CDR2: variants seen among roughly 807,000 people sequenced by gnomAD.
CDR2 encodes cerebellar degeneration-related protein 2.
CDR2 carries 34 observed loss-of-function variants against 48.4 expected under a neutral mutation model. The ratio of observed to expected loss-of-function variants is 0.70; its 90% confidence interval spans 0.53 to 0.94. The LOEUF (loss-of-function observed/expected upper bound fraction) is 0.94. CDR2 is among the 40% of genes least tolerant of loss of function. CDR2 has a pLI of 0.00. For missense variants in CDR2, 498 were observed against 549.5 expected, an observed-to-expected ratio of 0.91 and a Z score of 0.94; for synonymous variants, 240 against 219.7, an observed-to-expected ratio of 1.09 and a Z score of -0.82.
Position 22,347,318 on chromosome 16 carries a change from C to G in CDR2, c.1012G>C (p.Val338Leu). ...AGAAGGGAGATGCCCCTCTGTTTCACAGCCTTGGCCCTCCTGATGCAGGTC... is the reference window on the plus strand; with the variant it reads ...AGAAGGGAGATGCCCCTCTGTTTCAGAGCCTTGGCCCTCCTGATGCAGGTC... ...EETCIRRAKA[V>L]KQRGISLLHE... Residue 338 changes from valine (V) to leucine (L), a missense_variant, in exon 5 of 5, where the codon GTG (valine) becomes CTG (leucine). By Grantham distance (32) the Val-to-Leu change is conservative. Transcript: ENST00000268383. The G allele has an allele frequency of 1.2e-6, 2 of 1,614,260 alleles. No individual in the cohort carries two copies. Among genetic ancestry groups the G allele is most frequent in the Non-Finnish European group, 1.7e-6 (2 of 1,180,044 alleles).
Position 22,347,610 on chromosome 16 carries a change from T to C in CDR2, c.720A>G (p.Thr240=). 2 of 1,614,200 alleles carry C rather than the reference T, an allele frequency of 1.2e-6. No homozygotes were observed. The highest frequency in any genetic ancestry group is 1.1e-5 in the South Asian group (1 of 91,092). Residue 240 remains threonine, a synonymous_variant, in exon 5 of 5, where the codon ACA becomes ACG. Coordinates refer to ENST00000268383, the MANE Select transcript of CDR2 (RefSeq NM_001802.2). ...CCAGCGCCCGTGCTCGGTAGGCACC[T>C]GTGGCCCCCAGCTGCTGCTCCAGTT... The part of the protein sequence containing the change: ...NSELEQQLGA[T]GAYRARALEL...
At chr16:22,360,255 C>G (rs2049002173) in intron 2 of CDR2, among the ~76,000 whole-genome samples, 1 of 152,132 alleles carries the variant, frequency 6.6e-6, no homozygotes, top group Non-Finnish European at 1.5e-5. Context: ...AAAACTTGCT[C>G]TGGATTCTTA....
rs563641354 is a variant in CDR2, at chr16:22,347,126, C to T, written c.1204G>A (p.Gly402Ser). The T allele has an allele frequency of 9.9e-6, 16 of 1,614,230 alleles. No homozygotes were observed. Among genetic ancestry groups the T allele is most frequent in the African/African-American group, 5.3e-5 (4 of 75,066 alleles). ...VNAQSEPVAS[G>S]WELASVNPEP... is the part of the protein sequence containing the mutation. ...GGGTTGACAGAGGCCAGTTCCCAGC[C>T]GCTGGCAACAGGCTCAGACTGGGCG... Residue 402 changes from glycine (G) to serine (S), a missense_variant, in exon 5 of 5, where the codon GGC becomes AGC. Coordinates refer to ENST00000268383, the MANE Select transcript of CDR2 (RefSeq NM_001802.2).
intron 2 of CDR2, among the ~76,000 whole-genome samples, chr16:22,362,067 A>T (rs2049014202): frequency 6.6e-6 from 1 of 151,848 alleles, no homozygotes. Context: ...ACGCCCGGCT[A>T]ATTTTTTGTG....
At chr16:22,352,371 C>CTT (rs928687518) in intron 2 of CDR2, among the ~76,000 whole-genome samples, 1 of 146,712 alleles carries the variant, frequency 6.8e-6, no homozygotes, top group African/African-American at 2.5e-5. Context: ...GCATATATGG[C>CTT]TTTTTTTTTT....
chr16:22,364,641 T>C (rs984739529), intron 2 of CDR2, among the ~76,000 whole-genome samples: 5 of 152,078 alleles, frequency 3.3e-5, no homozygotes, highest in Non-Finnish European at 7.4e-5. Context: ...GGCAGGTGGA[T>C]CATCTGAGGA....
intron 3 of CDR2, 92 bp downstream of exon 3, chr16:22,349,609 A>C (rs1156866840): frequency 5.5e-6 from 8 of 1,449,098 alleles, no homozygotes; most frequent in Non-Finnish European, 7.6e-6. Flanking sequence ...CTTATCCCAT[A>C]TTGACCCAAA....
At chr16:22,356,920 A>T (rs1302564624) in intron 2 of CDR2, among the ~76,000 whole-genome samples, 1 of 148,490 alleles carries the variant, frequency 6.7e-6, no homozygotes, top group African/African-American at 2.5e-5. Context: ...CAACCTCAGC[A>T]ACAGAACAAG....
chr16:22,373,154 A>G (rs1308807110), intron 1 of CDR2, among the ~76,000 whole-genome samples: 1 of 152,188 alleles, frequency 6.6e-6, no homozygotes, highest in East Asian at 1.9e-4. Context: ...TGGGCCTATC[A>G]GTGTTAGGCA....
intron 2 of CDR2, among the ~76,000 whole-genome samples, chr16:22,352,241 G>A (rs2048947039): frequency 6.6e-6 from 1 of 152,136 alleles, no homozygotes; most frequent in Non-Finnish European, 1.5e-5. Flanking sequence ...GACAGAGACT[G>A]TCTCAAACAC....
chr16:22,361,897 CTTTTTTTTT>C (rs11303236), intron 2 of CDR2, among the ~76,000 whole-genome samples: 1 of 68,160 alleles, frequency 1.5e-5, no homozygotes, highest in African/African-American at 5.7e-5. Context: ...GAATTTTATA[CTTTTTTTTT>C]TTTTTTTTTT....
At chr16:22,367,711 T>C (rs1165955101) in intron 1 of CDR2, among the ~76,000 whole-genome samples, 1 of 152,190 alleles carries the variant, frequency 6.6e-6, no homozygotes, top group East Asian at 1.9e-4. Context: ...ACAACAGCAT[T>C]AGTTGTTGTA....
At chr16:22,356,021 T>C (rs1207736713) in intron 2 of CDR2, among the ~76,000 whole-genome samples, 3 of 152,254 alleles carry the variant, frequency 2.0e-5, no homozygotes, top group Admixed American at 6.5e-5. Flanking sequence ...TATTTTCATA[T>C]TGCACTATAG....
intron 1 of CDR2, among the ~76,000 whole-genome samples, chr16:22,366,312 C>A (rs1175447068): frequency 1.3e-5 from 2 of 151,998 alleles, no homozygotes; most frequent in Admixed American, 6.6e-5. Flanking sequence ...ATAAGGAACT[C>A]ACATTAAAAA....
At chr16:22,360,965 G>T (rs1162796368) in intron 2 of CDR2, among the ~76,000 whole-genome samples, 1 of 151,910 alleles carries the variant, frequency 6.6e-6, no homozygotes, top group Non-Finnish European at 1.5e-5. Context: ...GGCCAGGCTG[G>T]TCTCGAACTC....
intron 2 of CDR2, among the ~76,000 whole-genome samples, chr16:22,357,583 T>C (rs1299244732): frequency 6.6e-6 from 1 of 152,216 alleles, no homozygotes; most frequent in Non-Finnish European, 1.5e-5. Context: ...CCATGAATTC[T>C]CTCCCCGCTT....
At chr16:22,371,081 C>T (rs1339765991) in intron 1 of CDR2, among the ~76,000 whole-genome samples, 3 of 151,934 alleles carry the variant, frequency 2.0e-5, no homozygotes, top group Admixed American at 6.6e-5. Context: ...TGTGGTGGCA[C>T]GTGTCTGTAA....
At chr16:22,372,217 T>C (rs1274887767) in intron 1 of CDR2, among the ~76,000 whole-genome samples, 1 of 152,164 alleles carries the variant, frequency 6.6e-6, no homozygotes, top group Non-Finnish European at 1.5e-5. Flanking sequence ...TGACTTTATT[T>C]TGATCAGAGG....
chr16:22,361,633 A>G (rs2049010812), intron 2 of CDR2, among the ~76,000 whole-genome samples: 1 of 152,204 alleles, frequency 6.6e-6, no homozygotes, highest in South Asian at 2.1e-4. Flanking sequence ...CATCTCCCCT[A>G]CTGAGACTGG....
Sources: gnomAD v4.1 joint callset for allele counts (sites outside exome capture counted in the v4.1 genomes callset) on GRCh38, gnomAD v4.1.1 for gene constraint, MANE v1.5 for transcripts, NCBI Gene and HGNC (gene_info 2026-07-23, HGNC 2026-07-21) for gene names.